Variants in DOCK2 observed in about 807,000 individuals in gnomAD.
DOCK2 encodes dedicator of cytokinesis protein 2.
In DOCK2, 87 loss-of-function variants were observed where a neutral mutation model predicts 248.9. The ratio of observed to expected loss-of-function variants is 0.35; its 90% CI spans 0.29 to 0.42. DOCK2 has a LOEUF of 0.42. Ranked by LOEUF, DOCK2 falls within the 10% of genes least tolerant of loss-of-function variation. DOCK2 has a pLI of 1.00. For synonymous variants in DOCK2, 805 were observed against 821.6 expected (o/e 0.98, Z 0.35); for missense variants, 1,747 against 2,300.2 (o/e 0.76, Z 4.92).
At chr5:169,754,708 C>A (rs1166306925) in intron 23 of DOCK2, among the ~76,000 whole-genome samples, 1 of 152,128 alleles carries the variant, frequency 6.6e-6, no homozygotes, top group Non-Finnish European at 1.5e-5. Flanking sequence ...TAACAGCCAG[C>A]AGGACAGAGC....
chr5:169,708,149 C>G lies in DOCK2; in HGVS notation c.1384-20C>G. 6.2e-7 allele frequency: 1 copy of G among 1,611,938 alleles called. No homozygotes were observed. Among genetic ancestry groups the G allele is most frequent in the Non-Finnish European group, 8.5e-7 (1 of 1,178,844 alleles). ...GACAATTCTGTAGTCTTTTCCCTCA[C>G]TTTGTTTTTCTTGGGTCAGAATGCA... On this transcript the variant is annotated intron_variant, in intron 14 of 51. Transcript: ENST00000520908.
At chr5:169,765,136 G>A (rs1764705885) in intron 25 of DOCK2, among the ~76,000 whole-genome samples, 1 of 150,906 alleles carries the variant, frequency 6.6e-6, no homozygotes, top group Non-Finnish European at 1.5e-5. Context: ...TTTTCTTTAT[G>A]GAGGCAATTA....
intron 25 of DOCK2, among the ~76,000 whole-genome samples, chr5:169,797,098 A>G (rs1456976976): frequency 2.0e-5 from 3 of 152,224 alleles, no homozygotes; most frequent in Admixed American, 1.3e-4. Flanking sequence ...TAACTTCATG[A>G]TGGATTAGAT....
intron 12 of DOCK2, 63 bp downstream of exon 12, chr5:169,699,521 C>T: frequency 6.7e-7 from 1 of 1,485,710 alleles, no homozygotes; most frequent in Non-Finnish European, 9.2e-7. Flanking sequence ...AACTCTTCAG[C>T]AAATGAATCA....
intron 27 of DOCK2, among the ~76,000 whole-genome samples, chr5:169,915,514 T>C (rs1774824637): frequency 6.6e-6 from 1 of 151,432 alleles, no homozygotes; most frequent in African/African-American, 2.4e-5. Flanking sequence ...TCATTTCCAA[T>C]TTGCCTGGCT....
intron 30 of DOCK2, among the ~76,000 whole-genome samples, chr5:170,005,649 C>A (rs1755002755): frequency 6.6e-6 from 1 of 151,942 alleles, no homozygotes; most frequent in African/African-American, 2.4e-5. Flanking sequence ...CAAAATTAGA[C>A]AATGGTAATG....
chr5:170,052,763 C>T (rs1756964198), intron 41 of DOCK2, among the ~76,000 whole-genome samples: 1 of 152,184 alleles, frequency 6.6e-6, no homozygotes, highest in Non-Finnish European at 1.5e-5. Context: ...AGGCATTTTA[C>T]ACGCATTGTT....
rs566030115 is a variant in DOCK2 at position 169,795,422 on chromosome 5, C to T, written c.2555-7636C>T. ...GGAGACGTAGATGGCGCCGGAGGCT[C>T]GCCAGAGGGCTGCAGGTGATGATTC... On this transcript the variant is annotated intron_variant, in intron 25 of 51. Transcript: ENST00000520908. 5.5e-4 allele frequency among the ~76,000 whole-genome samples: 83 copies of T among 152,120 alleles called. 1 individual carries two copies. The highest frequency in any genetic ancestry group is 1.0e-3 in the Admixed American group (16 of 15,280).
chr5:169,878,517 G>A (rs1772456090), intron 27 of DOCK2, among the ~76,000 whole-genome samples: 1 of 152,196 alleles, frequency 6.6e-6, no homozygotes, highest in African/African-American at 2.4e-5. Context: ...TGCTTGCTCA[G>A]GGCTGTGAAA....
At chr5:170,077,887 C>G (rs371328092) in intron 48 of DOCK2, 50 bp downstream of exon 48, 20 of 1,460,622 alleles carry the variant, frequency 1.4e-5, no homozygotes, top group African/African-American at 1.1e-4. Flanking sequence ...CTCCCTGGCT[C>G]TATCCCCCCT....
Position 170,067,647 on chromosome 5 carries a change from G to C in DOCK2, c.4605G>C (p.Val1535=). The part of the protein sequence containing the change: ...NPLSMLLNGI[V]DPAVMGGFAK... ...TCTCCATGCTCCTGAACGGGATTGT[G>C]GACCCTGCTGTCATGGGAGGCTTCG... The change falls in exon 45 of 52, where the codon GTG becomes GTC. Residue 1535 remains valine (V), a synonymous_variant. Coordinates refer to ENST00000520908, the MANE Select transcript of DOCK2 (RefSeq NM_004946.3). 6.2e-7 allele frequency: 1 copy of C among 1,614,156 alleles called. No homozygotes were observed. The highest frequency in any genetic ancestry group is 8.5e-7 in the Non-Finnish European group (1 of 1,180,004).
rs1246188439 is a variant in DOCK2, at chr5:169,810,981, T to TCACA, written c.2703+7776_2703+7777insACAC. The stretch of plus-strand genomic sequence containing the variant: ...CACACACACACACAGACTCTCTCTC[T>TCACA]CTCTCTCTCACACACACACACACAC... On this transcript the variant is annotated intron_variant, in intron 26 of 51. Transcript: ENST00000520908. 3.9e-3 allele frequency among the ~76,000 whole-genome samples: 549 copies of TCACA among 142,106 alleles called. 4 individuals are homozygous for TCACA. The highest frequency in any genetic ancestry group is 0.015 in the African/African-American group (510 of 34,752). The allele number at this position is 142,106 out of a possible 152,430, so 93.2% of individuals were successfully genotyped here.
intron 14 of DOCK2, among the ~76,000 whole-genome samples, chr5:169,703,609 T>G (rs1761098620): frequency 6.6e-6 from 1 of 152,238 alleles, no homozygotes; most frequent in Non-Finnish European, 1.5e-5. Flanking sequence ...TCATAATCGT[T>G]TTTTAAATGT....
At chr5:169,878,885 G>A (rs1027191725) in intron 27 of DOCK2, among the ~76,000 whole-genome samples, 3 of 152,108 alleles carry the variant, frequency 2.0e-5, no homozygotes, top group Non-Finnish European at 2.9e-5. Flanking sequence ...CTTTATGTAC[G>A]GAAATCCCTG....
intron 27 of DOCK2, among the ~76,000 whole-genome samples, chr5:169,880,767 A>T (rs915471150): frequency 6.6e-6 from 1 of 152,216 alleles, no homozygotes; most frequent in South Asian, 2.1e-4. Context: ...TTGGGGATTA[A>T]AACACAGATC....
intron 27 of DOCK2, among the ~76,000 whole-genome samples, chr5:169,974,616 G>T (rs531946637): frequency 6.6e-6 from 1 of 151,998 alleles, no homozygotes; most frequent in East Asian, 1.9e-4. Context: ...GAGTGGGAGC[G>T]GAGCTGCTTA....
chr5:169,701,857 C>G (rs1412038499), intron 13 of DOCK2, among the ~76,000 whole-genome samples: 1 of 152,134 alleles, frequency 6.6e-6, no homozygotes, highest in Admixed American at 6.5e-5. Context: ...TGAAGATCCT[C>G]TGCAGCTCCC....
intron 22 of DOCK2, among the ~76,000 whole-genome samples, chr5:169,727,620 T>C (rs1762550527): frequency 6.6e-6 from 1 of 152,208 alleles, no homozygotes; most frequent in African/African-American, 2.4e-5. Flanking sequence ...ACACAGTGAG[T>C]GCCCCAGTAG....
At chr5:169,993,706 C>T (rs1778266480) in intron 29 of DOCK2, among the ~76,000 whole-genome samples, 1 of 152,180 alleles carries the variant, frequency 6.6e-6, no homozygotes, top group Non-Finnish European at 1.5e-5. Flanking sequence ...CCCACCGACT[C>T]TTGGACCACC....
Sources: gnomAD v4.1 joint callset for allele counts (sites outside exome capture counted in the v4.1 genomes callset) on GRCh38, gnomAD v4.1.1 for gene constraint, MANE v1.5 for transcripts, NCBI Gene and HGNC (gene_info 2026-07-23, HGNC 2026-07-21) for gene names.